The following SLC8A3 variants were observed in gnomAD, a reference collection of about 807,000 sequenced individuals.
SLC8A3 encodes sodium/calcium exchanger 3.
SLC8A3 carries 37 observed loss-of-function variants against 65.4 expected under a neutral mutation model. That is an observed-to-expected ratio of 0.57 (90% CI 0.44 to 0.74). The LOEUF (loss-of-function observed/expected upper bound fraction) is 0.74. Among genes scored for constraint, SLC8A3 ranks in the 30% least tolerant of loss-of-function variants. SLC8A3 has a pLI of 0.00. For synonymous variants in SLC8A3, 461 were observed against 444.5 expected, an observed-to-expected ratio of 1.04 and a Z score of -0.47; for missense variants, 1,112 against 1,172.1, an observed-to-expected ratio of 0.95 and a Z score of 0.75.
At chr14:70,179,927 C>T (rs1882588600) in intron 1 of SLC8A3, among the ~76,000 whole-genome samples, 1 of 152,168 alleles carries the variant, frequency 6.6e-6, no homozygotes, top group African/African-American at 2.4e-5. Context: ...AACCTTCGTG[C>T]TGTGAATGCC....
chr14:70,078,921 G>T (rs577217016), intron 2 of SLC8A3, among the ~76,000 whole-genome samples: 1 of 152,116 alleles, frequency 6.6e-6, no homozygotes, highest in Non-Finnish European at 1.5e-5. Flanking sequence ...TTGAAAGTGG[G>T]CATCACCTTT....
At chr14:70,116,507 G>A (rs1458460962) in intron 2 of SLC8A3, among the ~76,000 whole-genome samples, 1 of 152,180 alleles carries the variant, frequency 6.6e-6, no homozygotes, top group African/African-American at 2.4e-5. Context: ...CATCTCCCCT[G>A]TCAAAGCAGG....
chr14:70,095,670 G>C (rs561300924), intron 2 of SLC8A3, among the ~76,000 whole-genome samples: 94 of 152,198 alleles, frequency 6.2e-4, no homozygotes, highest in Non-Finnish European at 1.1e-3. Context: ...ACTTGGGAGG[G>C]TGGATCCTGA....
chr14:70,108,290 C>T (rs569530673), intron 2 of SLC8A3, among the ~76,000 whole-genome samples: 27 of 151,812 alleles, frequency 1.8e-4, no homozygotes, highest in African/African-American at 6.5e-4. Context: ...GTCCCAGCTA[C>T]TTGGGAGGCT....
intron 2 of SLC8A3, among the ~76,000 whole-genome samples, chr14:70,063,231 C>T (rs1889022583): frequency 6.6e-6 from 1 of 152,212 alleles, no homozygotes; most frequent in Admixed American, 6.5e-5. Context: ...CTTTCAGCTT[C>T]CTCAAGGTCA....
chr14:70,126,570 TCA>T (rs55776930), intron 2 of SLC8A3, among the ~76,000 whole-genome samples: 4,323 of 116,868 alleles, frequency 0.037, 69 homozygotes, highest in African/African-American at 0.048. Flanking sequence ...TCTCTCTCTC[TCA>T]CACACACACA....
In SLC8A3 at chr14:70,166,834, C is replaced by A; in HGVS notation, c.1589G>T (p.Gly530Val). 6.2e-7 allele frequency: 1 copy of A among 1,614,082 alleles called. No individual in the cohort carries two copies. Among genetic ancestry groups the A allele is most frequent in the Non-Finnish European group, 8.5e-7 (1 of 1,179,948 alleles). ...TVTILDDDHA[G>V]IFTFECDTIH... ...AGTATCACATTCAAAAGTGAAGATGCCTGCATGGTCATCATCCAAGATGGT... is the reference window on the plus strand; with the variant it reads ...AGTATCACATTCAAAAGTGAAGATGACTGCATGGTCATCATCCAAGATGGT... The change falls in exon 2 of 7, where the codon GGC becomes GTC. Residue 530 changes from glycine to valine, a missense_variant. Transcript: ENST00000356921.
At chr14:70,050,971 G>C (rs758399330) in intron 5 of SLC8A3, 37 bp downstream of exon 5, 1 of 1,392,212 alleles carries the variant, frequency 7.2e-7, no homozygotes, top group Non-Finnish European at 1.0e-6. Context: ...GAGGTTGCCT[G>C]CTTCTCCCAG....
At chr14:70,055,537 T>G (rs1888009563) in intron 3 of SLC8A3, among the ~76,000 whole-genome samples, 1 of 152,170 alleles carries the variant, frequency 6.6e-6, no homozygotes, top group Admixed American at 6.5e-5. Flanking sequence ...TTAATTTCTC[T>G]TCCTGGTCCC....
intron 2 of SLC8A3, among the ~76,000 whole-genome samples, chr14:70,141,628 T>TG (rs1373171844): frequency 1.3e-5 from 2 of 152,176 alleles, no homozygotes; most frequent in African/African-American, 4.8e-5. Context: ...AAAGAGTTCA[T>TG]GGGTCCCTCT....
At chr14:70,106,503 CACTT>C (rs1194501079) in intron 2 of SLC8A3, among the ~76,000 whole-genome samples, 4 of 152,200 alleles carry the variant, frequency 2.6e-5, no homozygotes, top group East Asian at 1.9e-4. Flanking sequence ...AGAAAGTTCA[CACTT>C]AATTAACTCT....
At chr14:70,073,073 C>T (rs1302599869) in intron 2 of SLC8A3, among the ~76,000 whole-genome samples, 2 of 152,160 alleles carry the variant, frequency 1.3e-5, no homozygotes, top group Non-Finnish European at 2.9e-5. Flanking sequence ...CTTCCCTTCC[C>T]TTCCCTTCCT....
intron 1 of SLC8A3, among the ~76,000 whole-genome samples, chr14:70,171,080 C>T (rs1365994880): frequency 6.6e-6 from 1 of 152,190 alleles, no homozygotes; most frequent in Non-Finnish European, 1.5e-5. Flanking sequence ...TTTACTTTGA[C>T]CTCTGAAAAC....
chr14:70,091,655 AT>A (rs954300247), intron 2 of SLC8A3, among the ~76,000 whole-genome samples: 1 of 152,132 alleles, frequency 6.6e-6, no homozygotes, highest in African/African-American at 2.4e-5. Context: ...GCTTTTGATC[AT>A]TTGAATCACC....
At chr14:70,124,610 C>T (rs1048871102) in intron 2 of SLC8A3, among the ~76,000 whole-genome samples, 2 of 152,250 alleles carry the variant, frequency 1.3e-5, no homozygotes, top group South Asian at 4.1e-4. Flanking sequence ...TTCTTGATTG[C>T]CTATGCAATG....
Position 70,121,243 on chromosome 14 carries a change from CCA to C in SLC8A3, c.1784+45394_1784+45395del, listed in dbSNP as rs753401506. Among the ~76,000 whole-genome samples the C allele has an allele frequency of 2.4e-4, 37 of 152,260 alleles. No homozygotes were observed. In the East Asian group the frequency reaches 7.1e-3, roughly 29 times the overall value. ...AGAGATCAGGTCCAGGCTCCCTACG[CCA>C]GTCATTCTGAGTCATGGCCTTGGAA... On this transcript the variant is annotated intron_variant, in intron 2 of 6. Coordinates refer to ENST00000356921, the MANE Select transcript of SLC8A3 (RefSeq NM_182932.3).
In SLC8A3 at chr14:70,166,665, C is replaced by A; in HGVS notation, c.1758G>T (p.Glu586Asp). The change falls in exon 2 of 7, where the codon GAG (glutamate) becomes GAT (aspartate). Residue 586 changes from glutamate to aspartate, a missense_variant. Physicochemically the swap from Glu to Asp is conservative, Grantham distance 45. Transcript: ENST00000356921. Reference sequence around the variant, plus strand: ...CAGTTTCATCATTCTTGAATTCCAACTCCCCATATGTGTCTTCAAAGTCCT... The same window carrying A: ...CAGTTTCATCATTCTTGAATTCCAAATCCCCATATGTGTCTTCAAAGTCCT... ...GGEDFEDTYG[E>D]LEFKNDETVK... 6.3e-7 allele frequency: 1 copy of A among 1,597,292 alleles called. No individual in the cohort carries two copies. Among genetic ancestry groups the A allele is most frequent in the South Asian group, 1.1e-5 (1 of 88,540 alleles).
At chr14:70,123,423 T>A (rs1894216063) in intron 2 of SLC8A3, among the ~76,000 whole-genome samples, 1 of 150,990 alleles carries the variant, frequency 6.6e-6, no homozygotes, top group Admixed American at 6.6e-5. Context: ...GTAGACTATG[T>A]GAGGTGGCTT....
At chr14:70,084,448 A>G (rs1169443252) in intron 2 of SLC8A3, among the ~76,000 whole-genome samples, 1 of 152,150 alleles carries the variant, frequency 6.6e-6, no homozygotes, top group Non-Finnish European at 1.5e-5. Flanking sequence ...GCTGGTCATT[A>G]TTCAGCCAAG....
Sources: gnomAD v4.1 joint callset for allele counts (sites outside exome capture counted in the v4.1 genomes callset) on GRCh38, gnomAD v4.1.1 for gene constraint, MANE v1.5 for transcripts, NCBI Gene and HGNC (gene_info 2026-07-23, HGNC 2026-07-21) for gene names.